Variants in PVT1 observed in about 807,000 individuals in gnomAD.
PVT1 encodes the protein CXCR4/PVT1 fusion.
chr8:127,880,834 C>T lies in PVT1; in HGVS notation n.373-9755C>T, dbSNP rs535474240. On this transcript the variant is annotated intron_variant and non_coding_transcript_variant, in intron 2 of 10. Transcript: ENST00000651587. ...CAGGCTGGTCTTGAACTCCTGACCT[C>T]GTGATCCACACGCCTCAGCCTCCCA... 1.7e-4 allele frequency among the ~76,000 whole-genome samples: 26 copies of T among 152,266 alleles called. No homozygotes were observed. The East Asian group carries it at 3.7e-3, about 21-fold the overall frequency.
At chr8:128,089,732 C>T (rs1814325585) in intron 5 of PVT1, among the ~76,000 whole-genome samples, 1 of 152,134 alleles carries the variant, frequency 6.6e-6, no homozygotes, top group Non-Finnish European at 1.5e-5. Context: ...TTTGTTTCTC[C>T]CTCTCTCTTT....
intron 2 of PVT1, among the ~76,000 whole-genome samples, chr8:127,875,680 T>C (rs1219538579): frequency 1.3e-5 from 2 of 152,220 alleles, no homozygotes; most frequent in Admixed American, 6.5e-5. Flanking sequence ...CTAGTTCTGC[T>C]ATTTCCTAGT....
intron 2 of PVT1, among the ~76,000 whole-genome samples, chr8:127,822,158 G>A (rs1425588866): frequency 6.6e-6 from 1 of 152,220 alleles, no homozygotes; most frequent in East Asian, 1.9e-4. Context: ...TGTCTGGCCC[G>A]TTTTAAGAGC....
At chr8:127,853,111 G>A (rs1815122250) in intron 2 of PVT1, among the ~76,000 whole-genome samples, 1 of 152,176 alleles carries the variant, frequency 6.6e-6, no homozygotes, top group Non-Finnish European at 1.5e-5. Context: ...CATGGTAGAA[G>A]GACAGCGAGT....
intron 3 of PVT1, among the ~76,000 whole-genome samples, chr8:127,962,179 A>T (rs2129947934): frequency 6.6e-6 from 1 of 152,192 alleles, no homozygotes; most frequent in South Asian, 2.1e-4. Context: ...GTTGGCCAGG[A>T]TGGTCTCAAT....
intron 3 of PVT1, among the ~76,000 whole-genome samples, chr8:127,926,488 C>T (rs1816131350): frequency 6.6e-6 from 1 of 152,226 alleles, no homozygotes; most frequent in African/African-American, 2.4e-5. Context: ...TCACCCTGCA[C>T]CAGCCCTGGC....
chr8:128,041,673 G>T (rs1324406759), intron 4 of PVT1, among the ~76,000 whole-genome samples: 3 of 150,506 alleles, frequency 2.0e-5, no homozygotes, highest in Non-Finnish European at 4.4e-5. Context: ...AGTGCGTGTT[G>T]TTCGTGTGTG....
chr8:127,873,107 C>T (rs1232750516), intron 2 of PVT1, among the ~76,000 whole-genome samples: 6 of 152,170 alleles, frequency 3.9e-5, no homozygotes, highest in Non-Finnish European at 7.3e-5. Context: ...GGGCAGAAGG[C>T]TTCCAGCCTG....
At chr8:128,023,941 G>T (rs989469812) in intron 4 of PVT1, among the ~76,000 whole-genome samples, 16 of 152,196 alleles carry the variant, frequency 1.1e-4, no homozygotes, top group African/African-American at 3.4e-4. Context: ...TCTACGCCAG[G>T]CACTTCTTAT....
chr8:127,929,226 G>A (rs1816171389), intron 3 of PVT1, among the ~76,000 whole-genome samples: 1 of 143,116 alleles, frequency 7.0e-6, no homozygotes, highest in Non-Finnish European at 1.5e-5. Context: ...TTATTTGTAA[G>A]CAAAGCTGGC....
At chr8:127,950,704 C>G (rs540752104) in intron 3 of PVT1, among the ~76,000 whole-genome samples, 3 of 152,166 alleles carry the variant, frequency 2.0e-5, no homozygotes, top group Admixed American at 6.5e-5. Context: ...AGGGCCTGGG[C>G]TGGGAATTCT....
intron 4 of PVT1, among the ~76,000 whole-genome samples, chr8:128,031,226 G>T (rs923962971): frequency 2.0e-5 from 3 of 152,248 alleles, no homozygotes; most frequent in Non-Finnish European, 4.4e-5. Context: ...CGGGTGGCTG[G>T]CAGGGGAGGG....
At chr8:127,847,626 C>T (rs548650659) in intron 2 of PVT1, among the ~76,000 whole-genome samples, 1 of 152,144 alleles carries the variant, frequency 6.6e-6, no homozygotes, top group Non-Finnish European at 1.5e-5. Flanking sequence ...TTGTGCTAGG[C>T]AAGATGCGGA....
intron 2 of PVT1, among the ~76,000 whole-genome samples, chr8:127,814,890 C>G (rs1048675258): frequency 6.6e-6 from 1 of 152,216 alleles, no homozygotes; most frequent in Non-Finnish European, 1.5e-5. Flanking sequence ...TCTAACTACC[C>G]TAAGCATCCG....
intron 4 of PVT1, among the ~76,000 whole-genome samples, chr8:128,020,821 AG>A (rs1319334632): frequency 6.6e-6 from 1 of 152,234 alleles, no homozygotes; most frequent in African/African-American, 2.4e-5. Flanking sequence ...TGCAGGCCCC[AG>A]GCCCCGCTTT....
At chr8:127,937,699 C>T (rs1174228581) in intron 3 of PVT1, among the ~76,000 whole-genome samples, 2 of 151,818 alleles carry the variant, frequency 1.3e-5, no homozygotes, top group African/African-American at 4.8e-5. Flanking sequence ...CTGCGTAGAG[C>T]CAGCCAGCAT....
At chr8:127,978,022 C>G (rs956151469) in intron 3 of PVT1, among the ~76,000 whole-genome samples, 1 of 152,226 alleles carries the variant, frequency 6.6e-6, no homozygotes, top group Admixed American at 6.5e-5. Context: ...AGAGCAGAGT[C>G]AGGGCTTATG....
rs577896775 is a variant in PVT1 at position 128,031,740 on chromosome 8, T to A, written n.913-38420T>A. ...TTTATATTAATTCATTTAATCTTCA[T>A]AATGACACTAAGAGGTAGGTAGTAC... On this transcript the variant is annotated intron_variant and non_coding_transcript_variant, in intron 4 of 10. Transcript: ENST00000651587. 5.3e-5 allele frequency among the ~76,000 whole-genome samples: 8 copies of A among 152,360 alleles called. No individual in the cohort carries two copies. The East Asian group carries it at 7.7e-4, about 15-fold the overall frequency.
At chr8:127,961,960 G>A (rs1456696718) in intron 3 of PVT1, among the ~76,000 whole-genome samples, 3 of 152,234 alleles carry the variant, frequency 2.0e-5, no homozygotes, top group Admixed American at 6.5e-5. Flanking sequence ...TTGTGAGGAC[G>A]AAGGAGATAA....
Sources: allele counts gnomAD v4.1 joint callset (sites outside exome capture counted in the v4.1 genomes callset), GRCh38; gene constraint gnomAD v4.1.1; transcripts MANE v1.5; gene names NCBI Gene and HGNC (gene_info 2026-07-23, HGNC 2026-07-21).